CUX1: variants seen among roughly 807,000 people sequenced by gnomAD.
CUX1 encodes the protein protein CASP.
A neutral mutation model predicts 158.8 loss-of-function variants in CUX1; 31 were observed. The observed-to-expected ratio is 0.20, with a 90% CI of 0.15 to 0.26. CUX1 has a LOEUF of 0.26. Among genes scored for constraint, CUX1 ranks in the 10% least tolerant of loss-of-function variants. The probability of loss-of-function intolerance (pLI) is 1.00; values close to 1 mark genes in which losing one functional copy is unlikely to be tolerated. For synonymous variants in CUX1, 879 were observed against 862.1 expected (o/e 1.02, Z -0.34); for missense variants, 1,589 against 2,014.6 (o/e 0.79, Z 4.04).
downstream of CUX1, among the ~76,000 whole-genome samples, chr7:102,261,697 C>T (rs1790412801): frequency 6.6e-6 from 1 of 152,026 alleles, no homozygotes; most frequent in Admixed American, 6.6e-5. Context: ...ATCAGGATCC[C>T]AGCAGCGTCT....
At chr7:101,902,072 G>A (rs1016907565) in intron 1 of CUX1, among the ~76,000 whole-genome samples, 1 of 152,162 alleles carries the variant, frequency 6.6e-6, no homozygotes, top group South Asian at 2.1e-4. Context: ...TCCCTGCCCC[G>A]TCTCGTTTTT....
At chr7:102,276,447 G>A (rs577267447) in intron 17 of CUX1, among the ~76,000 whole-genome samples, 18 of 152,204 alleles carry the variant, frequency 1.2e-4, no homozygotes, top group African/African-American at 3.1e-4. Flanking sequence ...GATTACAGGC[G>A]TCTGCCATCA....
intron 2 of CUX1, among the ~76,000 whole-genome samples, chr7:101,940,242 GAA>G (rs61429755): frequency 7.1e-6 from 1 of 140,346 alleles, no homozygotes; most frequent in Non-Finnish European, 1.5e-5. Context: ...CCTGTCTCAG[GAA>G]AAAAAAAAAA....
At chr7:102,078,636 GT>G (rs1211694289) in intron 4 of CUX1, among the ~76,000 whole-genome samples, 1 of 152,228 alleles carries the variant, frequency 6.6e-6, no homozygotes, top group Admixed American at 6.5e-5. Context: ...CACATTACCA[GT>G]GATATAAAAT....
intron 11 of CUX1, among the ~76,000 whole-genome samples, chr7:102,188,072 A>G (rs117619627): frequency 0.014 from 2,172 of 152,116 alleles, 23 homozygotes; most frequent in Middle Eastern, 0.024. Flanking sequence ...GGTGATGTGC[A>G]TCTGTAGTTC....
chr7:101,843,574 C>CT (rs1000405322), intron 1 of CUX1, among the ~76,000 whole-genome samples: 52 of 148,650 alleles, frequency 3.5e-4, no homozygotes, highest in Non-Finnish European at 4.9e-4. Flanking sequence ...CTATCCATTT[C>CT]TTTTTTTTTT....
At chr7:101,903,440 T>TA (rs1450647770) in intron 1 of CUX1, among the ~76,000 whole-genome samples, 1 of 152,160 alleles carries the variant, frequency 6.6e-6, no homozygotes, top group African/African-American at 2.4e-5. Context: ...TGCGTGTGCC[T>TA]ACAAGGCTGA....
rs572613663 is a variant in CUX1 at position 102,254,129 on chromosome 7, G to A, written c.*5087G>A. On this transcript the variant is annotated 3_prime_UTR_variant, in exon 24 of 24. Transcript: ENST00000292535. ...AACAGCTGTGCTCTGCAAGGCACAC[G>A]GATGTTTCCCTTCCACCTGTTCCCA... 20 of 985,426 alleles carry A rather than the reference G, an allele frequency of 2.0e-5. No homozygotes were observed. Among genetic ancestry groups the A allele is most frequent in the Middle Eastern group, 5.2e-4 (1 of 1,916 alleles). 61.0% of individuals were successfully genotyped at this position (985,426 alleles called of 1,614,324 possible).
intron 3 of CUX1, among the ~76,000 whole-genome samples, chr7:102,031,326 GT>G (rs1820763879): frequency 6.6e-6 from 1 of 152,138 alleles, no homozygotes; most frequent in Non-Finnish European, 1.5e-5. Flanking sequence ...CCCAGAGTGA[GT>G]GCTGGGATTA....
intron 2 of CUX1, among the ~76,000 whole-genome samples, chr7:101,947,304 G>T (rs1322929905): frequency 6.6e-6 from 1 of 152,186 alleles, no homozygotes; most frequent in Non-Finnish European, 1.5e-5. Flanking sequence ...TGAGGCAGGA[G>T]GATTGCTTGC....
At chr7:102,218,832 C>G (rs1245300421) in intron 20 of CUX1, among the ~76,000 whole-genome samples, 6 of 151,934 alleles carry the variant, frequency 3.9e-5, no homozygotes, top group African/African-American at 1.5e-4. Context: ...GCGGGAAGAT[C>G]ACTAGAGTCC....
chr7:101,928,210 T>C (rs566797888), intron 2 of CUX1, among the ~76,000 whole-genome samples: 61 of 152,254 alleles, frequency 4.0e-4, no homozygotes, highest in Admixed American at 1.2e-3. Context: ...AAAATAGGAA[T>C]GATAACGACC....
rs1274862675 is a variant in CUX1, at chr7:102,201,967, C to G, written c.2670C>G (p.Ser890=). ...GGCCCAGCGCTGAGTCCCCATACTCCCAGAGCTCAGAGCTGAGTCTGACCG... is the reference window on the plus strand; with the variant it reads ...GGCCCAGCGCTGAGTCCCCATACTCGCAGAGCTCAGAGCTGAGTCTGACCG... ...KEWPSAESPY[S]QSSELSLTGA... The change falls in exon 18 of 24, where the codon TCC becomes TCG. Residue 890 remains serine (S), a synonymous_variant. Coordinates refer to ENST00000292535, the MANE Select transcript of CUX1 (RefSeq NM_181552.4). This position sits in a 1 kb window ranked among gnomAD's most constrained non-coding sequence, Gnocchi z 5.0. 1 of 1,614,056 alleles carries G rather than the reference C, an allele frequency of 6.2e-7. No homozygotes were observed. Among genetic ancestry groups the G allele is most frequent in the East Asian group, 2.2e-5 (1 of 44,866 alleles).
chr7:102,026,157 T>A (rs956353818), intron 2 of CUX1, among the ~76,000 whole-genome samples: 6 of 152,062 alleles, frequency 3.9e-5, no homozygotes, highest in Non-Finnish European at 7.4e-5. Context: ...CTAACCTGGA[T>A]GACAGAGCAA....
At position 101,860,731 on chromosome 7, in the gene CUX1, T is replaced by TCCTC. The variant is rs1192712723; in HGVS notation, c.30+43066_30+43069dup. On this transcript the variant is annotated intron_variant, in intron 1 of 23. Coordinates refer to ENST00000292535, the MANE Select transcript of CUX1 (RefSeq NM_181552.4). ...ATCCTCTCTCTCTTTTATCTCCCCTTCCTCCCTTCCTTCCTTCCTTCCTTC... is the reference window on the plus strand; with the variant it reads ...ATCCTCTCTCTCTTTTATCTCCCCTTCCTCCCTCCCTTCCTTCCTTCCTTCCTTC... Among the ~76,000 whole-genome samples the TCCTC allele has an allele frequency of 1.1e-3, 153 of 139,564 alleles. 2 individuals carry two copies. Among genetic ancestry groups the TCCTC allele is most frequent in the African/African-American group, 3.8e-3 (141 of 36,948 alleles). 91.6% of individuals were successfully genotyped at this position (139,564 alleles called of 152,430 possible). A position where few individuals can be genotyped will look rare whatever the true frequency, so the allele number is the denominator to read the frequency against.
At chr7:102,091,991 G>C (rs1463102259) in intron 4 of CUX1, among the ~76,000 whole-genome samples, 1 of 152,120 alleles carries the variant, frequency 6.6e-6, no homozygotes, top group Non-Finnish European at 1.5e-5. Context: ...CCTGACCTCA[G>C]GTGATCCACC....
At chr7:102,187,342 TAAAAA>T (rs3216521) in intron 11 of CUX1, among the ~76,000 whole-genome samples, 1 of 146,266 alleles carries the variant, frequency 6.8e-6, no homozygotes, top group Admixed American at 6.8e-5. Flanking sequence ...AAAATAACTT[TAAAAA>T]AAAAAACAAA....
rs1219278184 is a variant in CUX1 at position 102,254,214 on chromosome 7, G to A, written c.*5172G>A. On this transcript the variant is annotated 3_prime_UTR_variant, in exon 24 of 24. Coordinates refer to ENST00000292535, the MANE Select transcript of CUX1 (RefSeq NM_181552.4). ...GTGGTCTCGGGGCTCCGAGGGTCTT[G>A]TCTTTGGTCCGCCTTCCTTTCTGTC... The A allele has an allele frequency of 4.1e-6, 4 of 985,378 alleles. No individual in the cohort carries two copies. In the East Asian group the frequency reaches 4.5e-4, roughly 112 times the overall value. The allele number at this position is 985,378 out of a possible 1,614,324, so 61.0% of individuals were successfully genotyped here. A position where few individuals can be genotyped will look rare whatever the true frequency, so the allele number is the denominator to read the frequency against.
chr7:101,985,468 T>C (rs563374989), intron 2 of CUX1, among the ~76,000 whole-genome samples: 92 of 152,336 alleles, frequency 6.0e-4, no homozygotes, highest in Non-Finnish European at 1.1e-3. Flanking sequence ...GCAGGACTGC[T>C]GTGCATGTGG....
Sources: allele counts gnomAD v4.1 joint callset (sites outside exome capture counted in the v4.1 genomes callset), GRCh38; gene constraint gnomAD v4.1.1; non-coding constraint Gnocchi (gnomAD v3.1); transcripts MANE v1.5; gene names NCBI Gene and HGNC (gene_info 2026-07-23, HGNC 2026-07-21).